Variants in MGAM observed in about 807,000 individuals in gnomAD.
The protein encoded by MGAM is alpha-1,4-glucosidase.
A neutral mutation model predicts 358.8 loss-of-function variants in MGAM; 253 were observed. The ratio of observed to expected loss-of-function variants is 0.71; its 90% CI spans 0.64 to 0.78. MGAM has a LOEUF of 0.78. Among genes scored for constraint, MGAM ranks in the 30% least tolerant of loss-of-function variants. The probability of loss-of-function intolerance (pLI) is 0.00; values close to 1 mark genes in which losing one functional copy is unlikely to be tolerated. For missense variants in MGAM, 3,080 were observed against 3,432.6 expected, an observed-to-expected ratio of 0.90 and a Z score of 2.57; for synonymous variants, 1,105 against 1,227.1, an observed-to-expected ratio of 0.90 and a Z score of 2.08.
rs1554462841 is a variant in MGAM at position 142,030,352 on chromosome 7, A to C, written c.1222-10A>C. On this transcript the variant is annotated splice_polypyrimidine_tract_variant and intron_variant, in intron 10 of 70. Coordinates refer to ENST00000475668, the MANE Select transcript of MGAM (RefSeq NM_001365693.1). Reference sequence around the variant, plus strand: ...TAGGTGCTAATTGTGGACTTTGTATATTCTTTCAGGATGTTCAGCATGCTG... The same window carrying C: ...TAGGTGCTAATTGTGGACTTTGTATCTTCTTTCAGGATGTTCAGCATGCTG... The C allele has an allele frequency of 1.2e-6, 2 of 1,611,370 alleles. No individual in the cohort carries two copies. The highest frequency in any genetic ancestry group is 4.5e-5 in the East Asian group (2 of 44,768).
At chr7:142,087,360 A>C (rs1157731410) in intron 57 of MGAM, among the ~76,000 whole-genome samples, 2 of 145,796 alleles carry the variant, frequency 1.4e-5, no homozygotes, top group East Asian at 4.1e-4. Context: ...ATTTTTTTCC[A>C]GATTCACTAA....
chr7:142,003,084 G>A (rs2128979945), intron 1 of MGAM, among the ~76,000 whole-genome samples: 1 of 152,030 alleles, frequency 6.6e-6, no homozygotes, highest in Non-Finnish European at 1.5e-5. Flanking sequence ...GACACAAATT[G>A]GAAAACATCC....
chr7:142,021,716 GA>G lies in MGAM; in HGVS notation c.691del (p.Arg231GlufsTer48), dbSNP rs1396602292. The G allele has an allele frequency of 4.3e-6, 7 of 1,613,794 alleles. No individual in the cohort carries two copies. The highest frequency in any genetic ancestry group is 5.9e-6 in the Non-Finnish European group (7 of 1,179,824). On this transcript the variant is annotated frameshift_variant, in exon 6 of 71. Coordinates refer to ENST00000475668, the MANE Select transcript of MGAM (RefSeq NM_001365693.1). LOFTEE classifies it high-confidence loss of function. ...CAGCCATTTAGCATCAAAGTGACCA[GA>G]AGAAGCAACAATCGTGTTTTGTAAG... ...SRQPFSIKVT[R>X]RSNNRVLFDS... is the part of the protein sequence containing the mutation.
At chr7:142,002,864 A>G (rs546781585) in intron 1 of MGAM, among the ~76,000 whole-genome samples, 1 of 152,252 alleles carries the variant, frequency 6.6e-6, no homozygotes, top group East Asian at 1.9e-4. Flanking sequence ...TAGATTTAAT[A>G]AATGACTTCA....
intron 21 of MGAM, among the ~76,000 whole-genome samples, chr7:142,043,803 TTATATACACATACGAC>T (rs1301037625): frequency 4.2e-5 from 4 of 95,670 alleles, no homozygotes; most frequent in East Asian, 2.8e-4. Flanking sequence ...AATATATACA[TTATATACACATACGAC>T]GTATAATATA....
At chr7:142,047,949 T>C (rs568593688) in intron 22 of MGAM, 76 bp downstream of exon 22, 23 of 1,155,694 alleles carry the variant, frequency 2.0e-5, no homozygotes, top group Admixed American at 3.9e-5. Flanking sequence ...CTGCTGGTCA[T>C]TCAGCTGTGG....
intron 21 of MGAM, among the ~76,000 whole-genome samples, chr7:142,041,364 C>A (rs551019708): frequency 6.6e-6 from 1 of 152,056 alleles, no homozygotes; most frequent in Non-Finnish European, 1.5e-5. Flanking sequence ...AGAAACCTGT[C>A]TTTTCTTTTG....
chr7:142,087,538 C>T (rs1298016961), intron 57 of MGAM, among the ~76,000 whole-genome samples: 1 of 146,076 alleles, frequency 6.8e-6, no homozygotes, highest in African/African-American at 2.4e-5. Context: ...CCAAGGGCTT[C>T]CTGGAGACCA....
chr7:141,986,713 A>G (rs1671569875), intron 2 of MGAM, among the ~76,000 whole-genome samples: 1 of 152,176 alleles, frequency 6.6e-6, no homozygotes, highest in Non-Finnish European at 1.5e-5. Context: ...CTATTATATT[A>G]TACTGCCACA....
intron 7 of MGAM, 47 bp from the exon 8 acceptor site, chr7:142,025,003 T>C: frequency 7.2e-7 from 1 of 1,387,954 alleles, no homozygotes; most frequent in East Asian, 2.3e-5. Flanking sequence ...AGTGTGATGC[T>C]GAGACTTCTT....
In MGAM at chr7:142,093,636, C is replaced by T; in HGVS notation, c.7172+86C>T. ...TAGCTACCCTACTTTTCTTTTCATT[C>T]CCATTCTAAGGGTTAAGAAGATTCT... is the stretch of plus-strand genomic sequence containing the variant. On this transcript the variant is annotated intron_variant, in intron 60 of 70. Coordinates refer to ENST00000475668, the MANE Select transcript of MGAM (RefSeq NM_001365693.1). The T allele has an allele frequency of 1.5e-6, 2 of 1,323,246 alleles. 1 individual carries two copies. The highest frequency in any genetic ancestry group is 5.1e-5 in the East Asian group (2 of 38,836). The allele number at this position is 1,323,246 out of a possible 1,614,324, so 82.0% of individuals were successfully genotyped here.
At position 142,052,908 on chromosome 7, in the gene MGAM, A is replaced by G. The variant is rs375330398; in HGVS notation, c.3083A>G (p.Asn1028Ser). 6.2e-7 allele frequency: 1 copy of G among 1,613,840 alleles called. No individual in the cohort carries two copies. The highest frequency in any genetic ancestry group is 1.7e-5 in the Admixed American group (1 of 59,996). The change falls in exon 26 of 71, where the codon AAT (asparagine) becomes AGT (serine). Residue 1028 changes from asparagine (N) to serine (S), a missense_variant. Asn to Ser is a conservative substitution (Grantham distance 46, BLOSUM62 1). Coordinates refer to ENST00000475668, the MANE Select transcript of MGAM (RefSeq NM_001365693.1). Reference sequence around the variant, plus strand: ...TCCTTAAAGTCTTCCGTTTATGCCAATGCCTTCCCCTCCACACCCGTGAAC... The same window carrying G: ...TCCTTAAAGTCTTCCGTTTATGCCAGTGCCTTCCCCTCCACACCCGTGAAC... ...DISLKSSVYANAFPSTPVNPL... is the reference protein window; with the variant it reads ...DISLKSSVYASAFPSTPVNPL...
In MGAM at chr7:142,099,693, C is replaced by G. The variant is rs749344827; in HGVS notation, c.7830C>G (p.Gly2610=). The stretch of plus-strand genomic sequence containing the variant: ...ACATTAATCTTCATGTCCGTGGGGG[C>G]TACATCCTGCCCTGGCAAGAGCCTG... ...LDHINLHVRG[G]YILPWQEPAL... Residue 2610 remains glycine (G), a synonymous_variant, in exon 67 of 71, where the codon GGC becomes GGG. Transcript: ENST00000475668. 4.2e-5 allele frequency: 67 copies of G among 1,613,846 alleles called. No homozygotes were observed. The highest frequency in any genetic ancestry group is 5.6e-5 in the Non-Finnish European group (66 of 1,179,882).
intron 70 of MGAM, among the ~76,000 whole-genome samples, chr7:142,105,231 G>C (rs900490609): frequency 1.3e-5 from 2 of 152,060 alleles, no homozygotes; most frequent in African/African-American, 2.4e-5. Context: ...TCAGTAGAAT[G>C]GAAAAGAGGG....
At chr7:142,046,051 C>CATAT (rs1810341057) in intron 21 of MGAM, among the ~76,000 whole-genome samples, 2 of 58,012 alleles carry the variant, frequency 3.4e-5, no homozygotes, top group African/African-American at 8.9e-5. Context: ...TATATACATA[C>CATAT]AATATGTAAT....
intron 65 of MGAM, 72 bp downstream of exon 65, chr7:142,096,487 G>C (rs1815924635): frequency 3.3e-6 from 5 of 1,494,898 alleles, no homozygotes; most frequent in Non-Finnish European, 4.7e-6. Flanking sequence ...AGGAGAAGAG[G>C]CCTGAGCTGG....
chr7:142,037,995 ATTCT>A (rs1161636441), intron 18 of MGAM, among the ~76,000 whole-genome samples: 1 of 151,988 alleles, frequency 6.6e-6, no homozygotes, highest in Non-Finnish European at 1.5e-5. Context: ...GGTTTTATTC[ATTCT>A]TTCTAACTAT....
At position 142,099,747 on chromosome 7, in the gene MGAM, A is replaced by G; in HGVS notation, c.7874+10A>G. The G allele has an allele frequency of 6.2e-7, 1 of 1,613,616 alleles. No individual in the cohort carries two copies. Among genetic ancestry groups the G allele is most frequent in the South Asian group, 1.1e-5 (1 of 91,044 alleles). On this transcript the variant is annotated intron_variant, in intron 67 of 70. Coordinates refer to ENST00000475668, the MANE Select transcript of MGAM (RefSeq NM_001365693.1). ...TGAACACCCACTTAAGGTAAGTGAC[A>G]GGACTCAGGTTTTCCTTTACATGTC...
chr7:142,035,233 A>G lies in MGAM; in HGVS notation c.1959+392A>G, dbSNP rs184899257. 5.9e-3 allele frequency among the ~76,000 whole-genome samples: 897 copies of G among 152,280 alleles called. 12 individuals are homozygous for G. Among genetic ancestry groups the G allele is most frequent in the African/African-American group, 0.02 (836 of 41,556 alleles). On this transcript the variant is annotated intron_variant, in intron 16 of 70. Coordinates refer to ENST00000475668, the MANE Select transcript of MGAM (RefSeq NM_001365693.1). ...TCTTTGGCATTTTTTAGTTAAATCC[A>G]ACATATTTATGAATTGAACTCCTAG...
Sources: gnomAD v4.1 joint callset for allele counts (sites outside exome capture counted in the v4.1 genomes callset) on GRCh38, gnomAD v4.1.1 for gene constraint, MANE v1.5 for transcripts, NCBI Gene and HGNC (gene_info 2026-07-23, HGNC 2026-07-21) for gene names.